The following CDH8 variants were observed in gnomAD, a reference collection of about 807,000 sequenced individuals.
The protein encoded by CDH8 is cadherin 8.
CDH8 carries 17 observed loss-of-function variants against 68.1 expected under a neutral mutation model. That is an observed-to-expected ratio of 0.25 (90% CI 0.17 to 0.37). CDH8 has a LOEUF of 0.37. CDH8 is among the 10% of genes least tolerant of loss of function. The probability of loss-of-function intolerance (pLI) is 1.00; values close to 1 mark genes in which losing one functional copy is unlikely to be tolerated. For missense variants in CDH8, 763 were observed against 999.3 expected (o/e 0.76, Z 3.19); for synonymous variants, 372 against 365.1 (o/e 1.02, Z -0.21).
intron 11 of CDH8, 108 bp downstream of exon 11, chr16:61,655,361 TC>T (rs1400972930): frequency 4.3e-5 from 46 of 1,075,208 alleles, no homozygotes; most frequent in Non-Finnish European, 6.2e-5. Context: ...AAGTTCCTCT[TC>T]CCCAACGGAA....
At chr16:61,776,975 A>G (rs1960918148) in intron 8 of CDH8, among the ~76,000 whole-genome samples, 2 of 152,126 alleles carry the variant, frequency 1.3e-5, no homozygotes, top group South Asian at 2.1e-4. Flanking sequence ...CACATTACCA[A>G]TTTTATAGAT....
chr16:61,874,792 CA>C (rs1458737722), intron 3 of CDH8, among the ~76,000 whole-genome samples: 9 of 152,186 alleles, frequency 5.9e-5, no homozygotes, highest in African/African-American at 2.2e-4. Flanking sequence ...TAGTTTGGTG[CA>C]AAAGTAATTG....
At chr16:61,736,764 A>C (rs979041405) in intron 8 of CDH8, among the ~76,000 whole-genome samples, 27 of 152,196 alleles carry the variant, frequency 1.8e-4, no homozygotes, top group Non-Finnish European at 7.3e-5. Context: ...TAGAGCAATA[A>C]AACTAATCAG....
intron 2 of CDH8, among the ~76,000 whole-genome samples, chr16:61,947,040 G>T (rs1481523229): frequency 6.6e-6 from 1 of 152,126 alleles, no homozygotes; most frequent in Non-Finnish European, 1.5e-5. Context: ...TATTTACCAG[G>T]TAGATGTCAG....
At chr16:61,924,367 G>T (rs185025026) in intron 2 of CDH8, among the ~76,000 whole-genome samples, 1 of 152,182 alleles carries the variant, frequency 6.6e-6, no homozygotes, top group East Asian at 1.9e-4. Context: ...CAGCCTATAG[G>T]TTCTCACGCA....
intron 10 of CDH8, among the ~76,000 whole-genome samples, chr16:61,664,109 C>G (rs1963621862): frequency 6.6e-6 from 1 of 151,760 alleles, no homozygotes; most frequent in Non-Finnish European, 1.5e-5. Flanking sequence ...CATATTTGCT[C>G]TTTATTCTGC....
intron 3 of CDH8, among the ~76,000 whole-genome samples, chr16:61,889,057 G>T (rs1963727901): frequency 6.6e-6 from 1 of 152,142 alleles, no homozygotes; most frequent in South Asian, 2.1e-4. Context: ...AGACACAAGG[G>T]ATGAAAACTG....
intron 3 of CDH8, among the ~76,000 whole-genome samples, chr16:61,884,747 C>A (rs1349266306): frequency 6.6e-6 from 1 of 152,112 alleles, no homozygotes; most frequent in African/African-American, 2.4e-5. Context: ...AGAATACACA[C>A]AACATAAAAA....
At chr16:61,807,546 T>A (rs1961823943) in intron 7 of CDH8, among the ~76,000 whole-genome samples, 1 of 152,216 alleles carries the variant, frequency 6.6e-6, no homozygotes, top group Non-Finnish European at 1.5e-5. Context: ...ACTTCATTAC[T>A]ACAGAGTTTC....
At chr16:61,973,264 TAATG>T (rs1398174646) in intron 2 of CDH8, among the ~76,000 whole-genome samples, 3 of 152,242 alleles carry the variant, frequency 2.0e-5, no homozygotes, top group Non-Finnish European at 4.4e-5. Flanking sequence ...CACTTCCACT[TAATG>T]AATAGTAAAT....
chr16:61,889,225 A>G (rs62051992), intron 3 of CDH8, among the ~76,000 whole-genome samples: 23,145 of 152,158 alleles, frequency 0.15, 1,911 homozygotes, highest in Middle Eastern at 0.24. Context: ...ACAAATATAT[A>G]TATACATGTG....
rs541243911 is a variant in CDH8, at chr16:61,956,402, A to G, written c.253-54929T>C. Among the ~76,000 whole-genome samples, 43 of 152,234 alleles carry G rather than the reference A, an allele frequency of 2.8e-4. 2 individuals carry two copies. In the South Asian group the frequency reaches 7.9e-3, roughly 28 times the overall value. ...AAGAAAATGTCTACAATTTACTCAAATAACCACTAACTCCAAATAATCCAT... is the reference window on the plus strand; with the variant it reads ...AAGAAAATGTCTACAATTTACTCAAGTAACCACTAACTCCAAATAATCCAT... On this transcript the variant is annotated intron_variant, in intron 2 of 11. Coordinates refer to ENST00000577390, the MANE Select transcript of CDH8 (RefSeq NM_001796.5).
At chr16:61,685,889 C>T (rs1249683620) in intron 10 of CDH8, among the ~76,000 whole-genome samples, 1 of 151,838 alleles carries the variant, frequency 6.6e-6, no homozygotes, top group Non-Finnish European at 1.5e-5. Context: ...GAAAATGAAT[C>T]TAAATTAATT....
chr16:61,656,868 C>T (rs1963458396), intron 10 of CDH8, among the ~76,000 whole-genome samples: 5 of 152,122 alleles, frequency 3.3e-5, no homozygotes, highest in South Asian at 2.1e-4. Context: ...CATTCATCCT[C>T]ATCTCATGAA....
At chr16:61,985,713 G>A (rs928152244) in intron 2 of CDH8, among the ~76,000 whole-genome samples, 5 of 151,868 alleles carry the variant, frequency 3.3e-5, no homozygotes, top group African/African-American at 9.7e-5. Context: ...GGCTGGTCTC[G>A]AACTCCTGAC....
intron 4 of CDH8, among the ~76,000 whole-genome samples, chr16:61,836,235 G>A (rs1408862358): frequency 6.6e-6 from 1 of 151,860 alleles, no homozygotes; most frequent in Non-Finnish European, 1.5e-5. Context: ...AGCAATACAA[G>A]TAGTGTTTTA....
intron 2 of CDH8, among the ~76,000 whole-genome samples, chr16:61,933,514 T>C (rs756185061): frequency 4.6e-5 from 7 of 152,212 alleles, no homozygotes; most frequent in Non-Finnish European, 8.8e-5. Context: ...ATTTTGAACT[T>C]AGAAAAGATT....
intron 7 of CDH8, among the ~76,000 whole-genome samples, chr16:61,811,107 A>T (rs1370739230): frequency 6.6e-6 from 1 of 151,744 alleles, no homozygotes; most frequent in Non-Finnish European, 1.5e-5. Context: ...CAACCTCTGT[A>T]TTATAGGCTC....
intron 4 of CDH8, among the ~76,000 whole-genome samples, chr16:61,848,571 A>G (rs1597015763): frequency 6.6e-6 from 1 of 152,050 alleles, no homozygotes; most frequent in African/African-American, 2.4e-5. Context: ...CATATATTGT[A>G]TCTTCCACAG....
Sources: allele counts gnomAD v4.1 joint callset (sites outside exome capture counted in the v4.1 genomes callset), GRCh38; gene constraint gnomAD v4.1.1; transcripts MANE v1.5; gene names NCBI Gene and HGNC (gene_info 2026-07-23, HGNC 2026-07-21).